Variants in NUP188 observed in about 807,000 individuals in gnomAD.
The protein encoded by NUP188 is nucleoporin 188, also known as nucleoporin NUP188.
A neutral mutation model predicts 223.0 loss-of-function variants in NUP188; 97 were observed. The ratio of observed to expected loss-of-function variants is 0.43; its 90% CI spans 0.37 to 0.51. NUP188 has a LOEUF of 0.51. Ranked by LOEUF, NUP188 falls within the 20% of genes least tolerant of loss-of-function variation. The probability of loss-of-function intolerance (pLI) is 0.00; values close to 1 mark genes in which losing one functional copy is unlikely to be tolerated. For synonymous variants in NUP188, 869 were observed against 828.0 expected (o/e 1.05, Z -0.85); for missense variants, 1,947 against 2,175.6 (o/e 0.89, Z 2.09).
chr9:128,968,525 G>T lies in NUP188; in HGVS notation c.605G>T (p.Arg202Leu). ...GTACAGACAGAGCGCCAAGTGTCTC[G>T]CTGGTTTGTTCAGTGCCTTCGGGAA... ...GNLMTERQVS[R>L]WFVQCLREQS... Residue 202 changes from arginine to leucine, a missense_variant, in exon 9 of 44, where the codon CGC becomes CTC. By Grantham distance (102) the Arg-to-Leu change is moderately radical. This residue lies in a region of NUP188 where 817 missense variants were observed against 865.8 expected (regional missense o/e 0.94). Transcript: ENST00000372577. 1 of 1,613,960 alleles carries T rather than the reference G, an allele frequency of 6.2e-7. No individual in the cohort carries two copies. Among genetic ancestry groups the T allele is most frequent in the Non-Finnish European group, 8.5e-7 (1 of 1,179,926 alleles).
intron 8 of NUP188, among the ~76,000 whole-genome samples, chr9:128,967,696 A>C (rs1842050277): frequency 6.6e-6 from 1 of 152,094 alleles, no homozygotes; most frequent in Non-Finnish European, 1.5e-5. Context: ...AGGCTGAGGC[A>C]GGAGAATTGC....
intron 30 of NUP188, among the ~76,000 whole-genome samples, 189 bp from the exon 31 acceptor site, chr9:128,997,962 G>A (rs762457637): frequency 5.8e-4 from 87 of 150,188 alleles, no homozygotes; most frequent in African/African-American, 1.8e-3. Flanking sequence ...CTCGTGATCC[G>A]CCCACCTCAG....
In NUP188 at chr9:128,993,612, C is replaced by G. The variant is rs17485583; in HGVS notation, c.2935C>G (p.Leu979Val). ...QQQDRYWCPP[L>V]LHRAAIAFLH... ...GCAAGATCGATACTGGTGCCCACCC[C>G]TGCTGCATCGTGCCGCCATTGCCTT... The change falls in exon 27 of 44, where the codon CTG becomes GTG. Residue 979 changes from leucine to valine, a missense_variant. Leu to Val is a conservative substitution (Grantham distance 32). Coordinates refer to ENST00000372577, the MANE Select transcript of NUP188 (RefSeq NM_015354.3). The G allele has an allele frequency of 2.5e-6, 4 of 1,614,184 alleles. No homozygotes were observed. The highest frequency in any genetic ancestry group is 3.4e-6 in the Non-Finnish European group (4 of 1,180,034).
At position 128,973,153 on chromosome 9, in the gene NUP188, A is replaced by C; in HGVS notation, c.1114-7A>C. 1 of 1,602,350 alleles carries C rather than the reference A, an allele frequency of 6.2e-7. No homozygotes were observed. ...AGAATGATTCACTGACTCCTTTGTCATTCCAGTGCACCACCAGCACTGCAT... is the reference window on the plus strand; with the variant it reads ...AGAATGATTCACTGACTCCTTTGTCCTTCCAGTGCACCACCAGCACTGCAT... On this transcript the variant is annotated splice_region_variant and splice_polypyrimidine_tract_variant and intron_variant, in intron 11 of 43. Transcript: ENST00000372577.
chr9:128,973,331 A>T (rs1205605662), intron 12 of NUP188, 82 bp downstream of exon 12: 2 of 878,300 alleles, frequency 2.3e-6, no homozygotes, highest in African/African-American at 3.3e-5. Context: ...ATTGGATCTG[A>T]TATTATTTAC....
Position 128,999,628 on chromosome 9 carries a change from T to G in NUP188, c.3666T>G (p.Ser1222Arg). The G allele has an allele frequency of 1.2e-6, 2 of 1,613,728 alleles. No individual in the cohort carries two copies. Among genetic ancestry groups the G allele is most frequent in the Non-Finnish European group, 1.7e-6 (2 of 1,179,758 alleles). ...TVLQMKEMKV[S>R]DIPQYSQLVL... Reference sequence around the variant, plus strand: ...CCCTCCCTGTCTATTCTACAGTAAGTGACATCCCCCAGTACTCCCAGCTGG... The same window carrying G: ...CCCTCCCTGTCTATTCTACAGTAAGGGACATCCCCCAGTACTCCCAGCTGG... Residue 1222 changes from serine to arginine, a missense_variant, in exon 34 of 44, where the codon AGT becomes AGG. By Grantham distance (110) the Ser-to-Arg change is moderately radical. Around this residue, in one of 3 missense-constraint regions of NUP188, gnomAD observed 905 missense variants for 990.6 expected, o/e 0.91. Coordinates refer to ENST00000372577, the MANE Select transcript of NUP188 (RefSeq NM_015354.3).
Position 129,004,205 on chromosome 9 carries a change from C to T in NUP188, c.4434+751C>T, listed in dbSNP as rs1361279396. Among the ~76,000 whole-genome samples, 142 of 149,706 alleles carry T rather than the reference C, an allele frequency of 9.5e-4. 1 individual carries two copies. Among genetic ancestry groups the T allele is most frequent in the Non-Finnish European group, 2.1e-4 (14 of 67,588 alleles). ...GGCTGAGGCAGGAGAATCGCTTGAA[C>T]TCAGGAGGTGGAGGTTGCAGTGAGC... is the stretch of plus-strand genomic sequence containing the variant. On this transcript the variant is annotated intron_variant, in intron 38 of 43. Transcript: ENST00000372577.
At position 128,971,029 on chromosome 9, in the gene NUP188, T is replaced by A. The variant is rs191664889; in HGVS notation, c.1113+71T>A. ...AAGCATTATAATAATGTAATAGTTA[T>A]AATGGTGGTGTGGATAATGGGATCA... On this transcript the variant is annotated intron_variant, in intron 11 of 43. Transcript: ENST00000372577. 5 of 1,201,778 alleles carry A rather than the reference T, an allele frequency of 4.2e-6. No individual in the cohort carries two copies. In the Admixed American group the frequency reaches 6.8e-5, roughly 16 times the overall value. 74.4% of individuals were successfully genotyped at this position (1,201,778 alleles called of 1,614,324 possible). A position where few individuals can be genotyped will look rare whatever the true frequency, so the allele number is the denominator to read the frequency against.
At chr9:128,984,143 T>TTTTTTTTTTTTTTTG (rs1842297844) in intron 19 of NUP188, among the ~76,000 whole-genome samples, 1 of 145,030 alleles carries the variant, frequency 6.9e-6, no homozygotes, top group African/African-American at 2.7e-5. Context: ...TTTTTTTTTT[T>TTTTTTTTTTTTTTTG]GAGATGGAGT....
Position 129,005,301 on chromosome 9 carries a change from A to C in NUP188, c.4510-2A>C. The C allele has an allele frequency of 2.5e-6, 4 of 1,614,002 alleles. No individual in the cohort carries two copies. The highest frequency in any genetic ancestry group is 3.4e-6 in the Non-Finnish European group (4 of 1,179,860). On this transcript the variant is annotated splice_acceptor_variant, in intron 39 of 43. Coordinates refer to ENST00000372577, the MANE Select transcript of NUP188 (RefSeq NM_015354.3). LOFTEE classifies it high-confidence loss of function. ...CCACCTTCATTTCTTGACTCTCCTT[A>C]GAACAAAAATGGGGATGGCCTCCCC...
At position 128,986,635 on chromosome 9, in the gene NUP188, C is replaced by T. The variant is rs1258921981; in HGVS notation, c.2154C>T (p.Tyr718=). ...MFVLKEMLPS[Y]HKWRYNSHGV... ...TGCTGAAGGAGATGCTTCCCAGCTA[C>T]CATAAGTGGCGCTACAACTCTCATG... is the stretch of plus-strand genomic sequence containing the variant. Residue 718 remains tyrosine, a synonymous_variant, in exon 21 of 44, where the codon TAC becomes TAT. Transcript: ENST00000372577. The T allele has an allele frequency of 1.2e-6, 2 of 1,614,158 alleles. No homozygotes were observed. The highest frequency in any genetic ancestry group is 2.2e-5 in the South Asian group (2 of 91,078).
Position 128,995,408 on chromosome 9 carries a change from T to C in NUP188, c.3245T>C (p.Leu1082Ser). 1 of 1,614,080 alleles carries C rather than the reference T, an allele frequency of 6.2e-7. No homozygotes were observed. The highest frequency in any genetic ancestry group is 8.5e-7 in the Non-Finnish European group (1 of 1,179,976). The stretch of plus-strand genomic sequence containing the variant: ...TACTGGTCAGGGTATGTCAAGTCAT[T>C]GGCAGTTCACGTGGCCGAAACAGAA... ...FAYWSGYVKS[L>S]AVHVAETEGS... The change falls in exon 30 of 44, where the codon TTG (leucine) becomes TCG (serine). Residue 1082 changes from leucine (L) to serine (S), a missense_variant. Transcript: ENST00000372577.
At chr9:128,961,103 A>AG (rs897426876) in intron 8 of NUP188, among the ~76,000 whole-genome samples, 1 of 149,528 alleles carries the variant, frequency 6.7e-6, no homozygotes, top group Non-Finnish European at 1.5e-5. Flanking sequence ...AAAAAAAAAA[A>AG]CCATAAAAAA....
At chr9:128,969,666 G>T (rs1842079627) in intron 10 of NUP188, 152 bp downstream of exon 10, 2 of 521,340 alleles carry the variant, frequency 3.8e-6, no homozygotes, top group African/African-American at 2.0e-5. Context: ...TTTTGTTTTG[G>T]TTTTTTGAGA....
intron 8 of NUP188, among the ~76,000 whole-genome samples, chr9:128,961,560 A>ATATATCTATATC (rs906128404): frequency 6.7e-6 from 1 of 148,834 alleles, no homozygotes; most frequent in Non-Finnish European, 1.5e-5. Context: ...GACACACTAT[A>ATATATCTATATC]TATATCTATA....
chr9:128,973,678 C>T (rs1396431490), intron 12 of NUP188, among the ~76,000 whole-genome samples: 2 of 151,972 alleles, frequency 1.3e-5, no homozygotes, highest in Non-Finnish European at 2.9e-5. Flanking sequence ...CCACTGCACC[C>T]GGCCTTGTCT....
intron 12 of NUP188, among the ~76,000 whole-genome samples, chr9:128,977,468 C>A (rs1316492616): frequency 6.6e-6 from 1 of 152,016 alleles, no homozygotes; most frequent in Non-Finnish European, 1.5e-5. Context: ...ATTAGATTCC[C>A]TGTGTATGCT....
Position 128,973,171 on chromosome 9 carries a change from C to T in NUP188, c.1125C>T (p.Ser375=), listed in dbSNP as rs1842125521. ...LASGGNDCTT[S]TACMCVYGLL... is the part of the protein sequence containing the mutation. Reference sequence around the variant, plus strand: ...CTTTGTCATTCCAGTGCACCACCAGCACTGCATGCATGTGTGTCTATGGAC... The same window carrying T: ...CTTTGTCATTCCAGTGCACCACCAGTACTGCATGCATGTGTGTCTATGGAC... Residue 375 remains serine (S), a synonymous_variant, in exon 12 of 44, where the codon AGC becomes AGT. Coordinates refer to ENST00000372577, the MANE Select transcript of NUP188 (RefSeq NM_015354.3). 1.2e-6 allele frequency: 2 copies of T among 1,612,048 alleles called. No individual in the cohort carries two copies. The highest frequency in any genetic ancestry group is 1.7e-6 in the Non-Finnish European group (2 of 1,178,632).
chr9:128,980,538 G>C (rs1842239753), intron 13 of NUP188, 68 bp from the exon 14 acceptor site: 1 of 1,524,014 alleles, frequency 6.6e-7, no homozygotes, highest in African/African-American at 1.4e-5. Flanking sequence ...CATGATTGCT[G>C]GGAAATTTGG....
Sources: allele counts gnomAD v4.1 joint callset (sites outside exome capture counted in the v4.1 genomes callset), GRCh38; gene constraint gnomAD v4.1.1; regional missense constraint gnomAD v4.1.1; transcripts MANE v1.5; gene names NCBI Gene and HGNC (gene_info 2026-07-23, HGNC 2026-07-21).